The following TSGA10 variants were observed in gnomAD, a reference collection of about 807,000 sequenced individuals.
TSGA10 encodes the protein testis specific 10.
In TSGA10, 43 loss-of-function variants were observed where a neutral mutation model predicts 96.6. That is an observed-to-expected ratio of 0.44 (90% confidence interval 0.35 to 0.57). TSGA10 has a LOEUF of 0.57. Ranked by LOEUF, TSGA10 falls within the 20% of genes least tolerant of loss-of-function variation. TSGA10 has a pLI of 0.01. For missense variants in TSGA10, 703 were observed against 834.4 expected (o/e 0.84, Z 1.94); for synonymous variants, 229 against 269.9 (o/e 0.85, Z 1.48).
At position 99,105,635 on chromosome 2, in the gene TSGA10, T is replaced by G. The variant is rs753313773; in HGVS notation, c.273A>C (p.Ser91=). ...EMMKSCKSPK[S]TTAHAILRRV... ...GCCGGAGAATAGCATGTGCCGTTGT[T>G]GATTTAGGACTCTTACAGCTTTTCA... Residue 91 remains serine, a synonymous_variant, in exon 8 of 21, where the codon TCA becomes TCC. Coordinates refer to ENST00000393483, the MANE Select transcript of TSGA10 (RefSeq NM_025244.4). 3.1e-6 allele frequency: 5 copies of G among 1,607,524 alleles called. No homozygotes were observed. The highest frequency in any genetic ancestry group is 4.3e-6 in the Non-Finnish European group (5 of 1,174,438).
chr2:99,017,387 A>C (rs1257221297), intron 20 of TSGA10, among the ~76,000 whole-genome samples: 2 of 152,258 alleles, frequency 1.3e-5, no homozygotes, highest in African/African-American at 4.8e-5. Context: ...CATTATTCTA[A>C]GGGAAGTAAC....
intron 16 of TSGA10, among the ~76,000 whole-genome samples, chr2:99,042,696 T>A (rs1436845686): frequency 6.6e-6 from 1 of 152,078 alleles, no homozygotes; most frequent in African/African-American, 2.4e-5. Context: ...ACTGTCTGCA[T>A]TGTTTTGTGA....
intron 10 of TSGA10, among the ~76,000 whole-genome samples, chr2:99,087,302 T>C (rs1574206521): frequency 6.6e-6 from 1 of 151,708 alleles, no homozygotes; most frequent in South Asian, 2.1e-4. Flanking sequence ...CAGTCAGGAG[T>C]TCGAAACCAG....
intron 10 of TSGA10, among the ~76,000 whole-genome samples, chr2:99,099,788 A>T (rs893676980): frequency 3.3e-5 from 5 of 152,246 alleles, no homozygotes; most frequent in Non-Finnish European, 5.9e-5. Flanking sequence ...ACTTGCAGAT[A>T]ACATGATTTT....
intron 4 of TSGA10, among the ~76,000 whole-genome samples, chr2:99,112,450 T>C (rs1179813076): frequency 6.6e-6 from 1 of 152,084 alleles, no homozygotes; most frequent in African/African-American, 2.4e-5. Context: ...CAAATAATTA[T>C]ATAGTATACT....
intron 15 of TSGA10, among the ~76,000 whole-genome samples, chr2:99,068,026 G>A (rs1346135119): frequency 6.6e-6 from 1 of 152,084 alleles, no homozygotes; most frequent in Admixed American, 6.6e-5. Flanking sequence ...AAAGCCTTTT[G>A]TTCATTTATG....
chr2:99,043,953 T>G (rs940005995), intron 16 of TSGA10, among the ~76,000 whole-genome samples: 1 of 151,994 alleles, frequency 6.6e-6, no homozygotes, highest in Non-Finnish European at 1.5e-5. Flanking sequence ...GAAGGAGAAA[T>G]AAAATCCTTC....
At chr2:99,050,554 T>A (rs2083291688) in intron 16 of TSGA10, among the ~76,000 whole-genome samples, 1 of 152,152 alleles carries the variant, frequency 6.6e-6, no homozygotes, top group Non-Finnish European at 1.5e-5. Flanking sequence ...GGAATAGAAC[T>A]ATGTAACAGT....
chr2:99,024,237 G>A (rs916792850), intron 17 of TSGA10, among the ~76,000 whole-genome samples: 3 of 151,654 alleles, frequency 2.0e-5, no homozygotes, highest in Admixed American at 1.3e-4. Flanking sequence ...TTACAGGCAC[G>A]TGCCATCACA....
intron 20 of TSGA10, among the ~76,000 whole-genome samples, chr2:99,013,589 C>A (rs79505603): frequency 7.2e-5 from 11 of 151,756 alleles, no homozygotes; most frequent in East Asian, 2.0e-4. Context: ...CCTCCGCCCC[C>A]CAAAGTGCTG....
rs2081517904 is a variant in TSGA10, at chr2:99,035,268, TAAG to T, written c.1573_1575del (p.Leu525del). The T allele has an allele frequency of 6.2e-7, 1 of 1,611,508 alleles. No homozygotes were observed. The highest frequency in any genetic ancestry group is 8.5e-7 in the Non-Finnish European group (1 of 1,178,596). The stretch of plus-strand genomic sequence containing the variant: ...TGATCTTTAGCAACCAGCTGTCGAT[TAAG>T]AAGTTCTTTGCTTGAGTCAAGTTTA... On this transcript the variant is annotated inframe_deletion, in exon 17 of 21. Coordinates refer to ENST00000393483, the MANE Select transcript of TSGA10 (RefSeq NM_025244.4).
rs1486172635 is a variant in TSGA10 at position 99,078,919 on chromosome 2, T to C, written c.728-106A>G. On this transcript the variant is annotated intron_variant, in intron 11 of 20. Transcript: ENST00000393483. ...AACTTCTCCTTACTTCTAATATATA[T>C]TATATTCAATTACTAACAATGAGTA... is the stretch of plus-strand genomic sequence containing the variant. 14 of 956,434 alleles carry C rather than the reference T, an allele frequency of 1.5e-5. No homozygotes were observed. In the East Asian group the frequency reaches 3.8e-4, roughly 26 times the overall value. The allele number at this position is 956,434 out of a possible 1,614,324, so 59.2% of individuals were successfully genotyped here.
At chr2:99,130,119 T>C (rs750468373) in intron 1 of TSGA10, among the ~76,000 whole-genome samples, 7 of 151,964 alleles carry the variant, frequency 4.6e-5, no homozygotes, top group Non-Finnish European at 8.8e-5. Context: ...GTCTTTAGAG[T>C]GACTTATAAT....
At chr2:99,154,118 G>C (rs2093723465) in intron 1 of TSGA10, among the ~76,000 whole-genome samples, 1 of 152,218 alleles carries the variant, frequency 6.6e-6, no homozygotes, top group Non-Finnish European at 1.5e-5. Context: ...ACCTGCCAGA[G>C]CATGAATAAG....
chr2:99,100,463 A>C (rs1480504653), intron 10 of TSGA10, among the ~76,000 whole-genome samples: 1 of 152,184 alleles, frequency 6.6e-6, no homozygotes, highest in Non-Finnish European at 1.5e-5. Context: ...AAATTGAGTA[A>C]TCATGTATTA....
intron 1 of TSGA10, chr2:99,141,561 A>G (rs1271390744): frequency 6.5e-6 from 1 of 153,090 alleles, no homozygotes; most frequent in Admixed American, 6.5e-5. Flanking sequence ...CGCGCCGCGC[A>G]GGCGCACGCC....
intron 1 of TSGA10, among the ~76,000 whole-genome samples, chr2:99,139,231 C>G (rs1046432452): frequency 6.6e-6 from 1 of 152,048 alleles, no homozygotes; most frequent in Non-Finnish European, 1.5e-5. Flanking sequence ...CCACTGCACT[C>G]CAGCCTGAGC....
At chr2:99,040,030 T>C (rs1451523930) in intron 16 of TSGA10, among the ~76,000 whole-genome samples, 3 of 152,126 alleles carry the variant, frequency 2.0e-5, no homozygotes, top group Non-Finnish European at 4.4e-5. Flanking sequence ...CACATGATCA[T>C]CTCCATAGAT....
intron 9 of TSGA10, 71 bp downstream of exon 9, chr2:99,105,288 G>GA (rs1253655578): frequency 7.6e-7 from 1 of 1,309,066 alleles, no homozygotes; most frequent in Non-Finnish European, 1.1e-6. Flanking sequence ...TCTGAATACA[G>GA]AAAAAGGAGA....
Sources: allele counts gnomAD v4.1 joint callset (sites outside exome capture counted in the v4.1 genomes callset), GRCh38; gene constraint gnomAD v4.1.1; transcripts MANE v1.5; gene names NCBI Gene and HGNC (gene_info 2026-07-23, HGNC 2026-07-21).